NR4A1: variants seen among roughly 807,000 people sequenced by gnomAD.
The protein encoded by NR4A1 is nuclear receptor subfamily 4 group A member 1, also known as nuclear receptor subfamily 4immunitygroup A member 1.
A neutral mutation model predicts 47.5 loss-of-function variants in NR4A1; 24 were observed. The ratio of observed to expected loss-of-function variants is 0.50; its 90% CI spans 0.37 to 0.71. NR4A1 has a LOEUF of 0.71. NR4A1 is among the 30% of genes least tolerant of loss of function. The pLI is 0.00. For missense variants in NR4A1, 669 were observed against 788.6 expected (o/e 0.85, Z 1.82); for synonymous variants, 353 against 345.7 (o/e 1.02, Z -0.24).
At chr12:52,058,506 G>A in intron 6 of NR4A1, 182 bp from the exon 7 acceptor site, 1 of 762,226 alleles carries the variant, frequency 1.3e-6, no homozygotes, top group Non-Finnish European at 2.0e-6. Context: ...AGGATAATGA[G>A]GGTTACTGCT....
chr12:52,053,261 C>A (rs959348323), intron 1 of NR4A1, among the ~76,000 whole-genome samples: 2 of 152,122 alleles, frequency 1.3e-5, no homozygotes, highest in Non-Finnish European at 2.9e-5. Context: ...AGGCTCTCTT[C>A]AGGCTCCTCG....
At position 52,057,538 on chromosome 12, in the gene NR4A1, A is replaced by G. The variant is rs1281844274; in HGVS notation, c.1540+8A>G. On this transcript the variant is annotated splice_region_variant and intron_variant, in intron 6 of 6. Transcript: ENST00000394825. ...CCCTTGTCCTCATCACCGGTGAGTG[A>G]CCAGCACCACACCAGGTCCAAGGGA... is the stretch of plus-strand genomic sequence containing the variant. The G allele has an allele frequency of 6.2e-7, 1 of 1,613,546 alleles. No individual in the cohort carries two copies. Among genetic ancestry groups the G allele is most frequent in the Non-Finnish European group, 8.5e-7 (1 of 1,179,950 alleles).
At chr12:52,032,848 A>G (rs946029836) in intron 1 of NR4A1, among the ~76,000 whole-genome samples, 13 of 151,888 alleles carry the variant, frequency 8.6e-5, no homozygotes, top group African/African-American at 2.9e-4. Flanking sequence ...ATTACACTCC[A>G]TTTTCCTCAG....
intron 6 of NR4A1, among the ~76,000 whole-genome samples, chr12:52,057,740 C>A (rs1045530142): frequency 6.6e-6 from 1 of 152,236 alleles, no homozygotes; most frequent in Non-Finnish European, 1.5e-5. Flanking sequence ...CGCAAGACAG[C>A]CTTTGGTCCC....
intron 1 of NR4A1, among the ~76,000 whole-genome samples, chr12:52,035,058 T>TAGGTTAC (rs1451726114): frequency 6.6e-6 from 1 of 152,118 alleles, no homozygotes; most frequent in East Asian, 1.9e-4. Context: ...AGGTAGAGCC[T>TAGGTTAC]CTTGTGGGTT....
intron 2 of NR4A1, 110 bp downstream of exon 2, chr12:52,055,314 C>T (rs768494073): frequency 3.5e-6 from 5 of 1,437,444 alleles, no homozygotes; most frequent in Non-Finnish European, 3.8e-6. Context: ...TAAGTCCTGT[C>T]CTGCAGGGTG....
At chr12:52,038,326 G>C (rs566151162) in intron 1 of NR4A1, 17 of 199,500 alleles carry the variant, frequency 8.5e-5, no homozygotes, top group Non-Finnish European at 1.3e-4. Flanking sequence ...GCCTCCTAAA[G>C]TGCTGGGATT....
upstream of NR4A1, among the ~76,000 whole-genome samples, chr12:52,047,336 A>G (rs1207991756): frequency 1.3e-5 from 2 of 151,882 alleles, no homozygotes; most frequent in South Asian, 4.2e-4. Flanking sequence ...GCTGGACCCC[A>G]CTCTCTCAGA....
intron 1 of NR4A1, among the ~76,000 whole-genome samples, chr12:52,027,687 C>T (rs570539292): frequency 1.8e-4 from 28 of 152,306 alleles, no homozygotes; most frequent in African/African-American, 6.5e-4. Flanking sequence ...TGCACTCCAC[C>T]CACATCCCCA....
intron 1 of NR4A1, among the ~76,000 whole-genome samples, chr12:52,051,810 G>T (rs1166034178): frequency 6.6e-6 from 1 of 152,106 alleles, no homozygotes; most frequent in East Asian, 1.9e-4. Flanking sequence ...TTGGCGCCGG[G>T]AGTAGGGACT....
chr12:52,051,807 C>T (rs1938969878), intron 1 of NR4A1, among the ~76,000 whole-genome samples: 1 of 151,986 alleles, frequency 6.6e-6, no homozygotes, highest in South Asian at 2.1e-4. Flanking sequence ...GGGTTGGCGC[C>T]GGGAGTAGGG....
chr12:52,057,183 G>C lies in NR4A1; in HGVS notation c.1285G>C (p.Glu429Gln). The change falls in exon 5 of 7, where the codon GAG (glutamate) becomes CAG (glutamine). Residue 429 changes from glutamate (E) to glutamine (Q), a missense_variant. Physicochemically the swap from Glu to Gln is conservative, Grantham distance 29. Transcript: ENST00000394825. ...KWAEKIPGFA[E>Q]LSPADQDLLL... ...GGCGGAGAAGATCCCTGGCTTTGCT[G>C]AGCTGTCACCGGCTGACCAGGACCT... 2 of 1,614,090 alleles carry C rather than the reference G, an allele frequency of 1.2e-6. No homozygotes were observed. Among genetic ancestry groups the C allele is most frequent in the Non-Finnish European group, 1.7e-6 (2 of 1,179,942 alleles).
chr12:52,032,290 A>G (rs770341071), intron 1 of NR4A1, among the ~76,000 whole-genome samples: 1 of 152,198 alleles, frequency 6.6e-6, no homozygotes, highest in Non-Finnish European at 1.5e-5. Context: ...AAAAAGGCAG[A>G]GGAAGGGCAA....
At position 52,054,372 on chromosome 12, in the gene NR4A1, CG is replaced by C; in HGVS notation, c.47del (p.Gly16AspfsTer11). On this transcript the variant is annotated frameshift_variant, in exon 2 of 7. Transcript: ENST00000394825. LOFTEE classifies it high-confidence loss of function. ...QAQYGTPAPSPGPRDHLASDP... is the reference protein window; with the variant it reads ...QAQYGTPAPSXGPRDHLASDP... The stretch of plus-strand genomic sequence containing the variant: ...CAATATGGGACACCAGCACCGAGTC[CG>C]GGACCCCGTGACCACCTGGCAAGCG... 6.2e-7 allele frequency: 1 copy of C among 1,613,468 alleles called. No individual in the cohort carries two copies. Among genetic ancestry groups the C allele is most frequent in the Non-Finnish European group, 8.5e-7 (1 of 1,179,754 alleles).
At chr12:52,033,566 C>T (rs2701131) in intron 1 of NR4A1, among the ~76,000 whole-genome samples, 6,113 of 152,282 alleles carry the variant, frequency 0.04, 436 homozygotes, top group African/African-American at 0.14. Context: ...GGGGCCCTGA[C>T]GCCTTCCATG....
chr12:52,027,198 C>G (rs1049867596), intron 1 of NR4A1, among the ~76,000 whole-genome samples: 16 of 152,366 alleles, frequency 1.1e-4, no homozygotes, highest in African/African-American at 3.8e-4. Flanking sequence ...GTTACATAAG[C>G]TGCTGCATAC....
intron 6 of NR4A1, 85 bp downstream of exon 6, chr12:52,057,615 T>G (rs1034408672): frequency 1.1e-4 from 160 of 1,515,776 alleles, no homozygotes; most frequent in East Asian, 1.4e-4. Context: ...CCCAGGGAGT[T>G]TGGTGGGCCG....
chr12:52,027,494 C>A (rs115192642), intron 1 of NR4A1, among the ~76,000 whole-genome samples: 3,271 of 152,346 alleles, frequency 0.021, 141 homozygotes, highest in African/African-American at 0.074. Flanking sequence ...CACTGGCAGC[C>A]TCTGGATGCT....
Position 52,041,931 on chromosome 12 carries a change from T to C in NR4A1, c.37+2T>C. ...AGGCCTGTTGGTCCATCCAGAGTGG[T>C]AAGTGCTCTGCTATTGTCCTTTGTA... On this transcript the variant is annotated splice_donor_variant, in intron 2 of 7. Coordinates refer to the NR4A1 transcript ENST00000360284. LOFTEE classifies it high-confidence loss of function. The C allele has an allele frequency of 2.1e-6, 3 of 1,434,794 alleles. No individual in the cohort carries two copies. Among genetic ancestry groups the C allele is most frequent in the Non-Finnish European group, 1.8e-6 (2 of 1,093,532 alleles). The allele number at this position is 1,434,794 out of a possible 1,614,324, so 88.9% of individuals were successfully genotyped here.
Sources: allele counts gnomAD v4.1 joint callset (sites outside exome capture counted in the v4.1 genomes callset), GRCh38; gene constraint gnomAD v4.1.1; transcripts MANE v1.5; gene names NCBI Gene and HGNC (gene_info 2026-07-23, HGNC 2026-07-21).